CCDC60: variants seen among roughly 807,000 people sequenced by gnomAD.
The protein encoded by CCDC60 is coiled-coil domain-containing protein 60.
In CCDC60, 54 loss-of-function variants were observed where a neutral mutation model predicts 63.5. The observed-to-expected ratio is 0.85, with a 90% CI of 0.68 to 1.07. The LOEUF is 1.07. Ranked by LOEUF, CCDC60 falls within the 50% of genes least tolerant of loss-of-function variation. The pLI is 0.00. For missense variants in CCDC60, 651 were observed against 684.3 expected, an observed-to-expected ratio of 0.95 and a Z score of 0.54; for synonymous variants, 206 against 238.8, an observed-to-expected ratio of 0.86 and a Z score of 1.27.
At chr12:119,509,009 G>A (rs1358415194) in intron 7 of CCDC60, among the ~76,000 whole-genome samples, 1 of 152,014 alleles carries the variant, frequency 6.6e-6, no homozygotes, top group Non-Finnish European at 1.5e-5. Context: ...GCAATGAGGG[G>A]AGGGGTAAAT....
At chr12:119,406,491 G>C (rs1956494078) in intron 1 of CCDC60, among the ~76,000 whole-genome samples, 2 of 152,034 alleles carry the variant, frequency 1.3e-5, no homozygotes, top group African/African-American at 4.8e-5. Flanking sequence ...GCCACTCTTT[G>C]TTTGGCATTG....
At chr12:119,529,959 C>T (rs911982272) in intron 12 of CCDC60, among the ~76,000 whole-genome samples, 6 of 152,086 alleles carry the variant, frequency 3.9e-5, no homozygotes, top group Non-Finnish European at 7.4e-5. Context: ...CAAACCACAG[C>T]GTCGTAAGGA....
intron 1 of CCDC60, among the ~76,000 whole-genome samples, chr12:119,350,015 A>G (rs1011018722): frequency 2.6e-5 from 4 of 152,088 alleles, no homozygotes; most frequent in African/African-American, 9.7e-5. Context: ...AAGCATTGAC[A>G]TAAGATACTA....
At chr12:119,406,192 GAT>G (rs144346171) in intron 1 of CCDC60, among the ~76,000 whole-genome samples, 29,052 of 143,050 alleles carry the variant, frequency 0.2, 2,963 homozygotes, top group Non-Finnish European at 0.22. Context: ...TATATATATA[GAT>G]ATATATATAT....
At chr12:119,524,119 A>G (rs930749011) in intron 11 of CCDC60, among the ~76,000 whole-genome samples, 1 of 152,168 alleles carries the variant, frequency 6.6e-6, no homozygotes, top group African/African-American at 2.4e-5. Flanking sequence ...TGAGGAGGTG[A>G]CTTTTAGATG....
chr12:119,437,688 A>G (rs1950353450), intron 2 of CCDC60, among the ~76,000 whole-genome samples: 1 of 152,194 alleles, frequency 6.6e-6, no homozygotes, highest in Admixed American at 6.5e-5. Flanking sequence ...CAGGATGCGC[A>G]CATCCATAGC....
intron 12 of CCDC60, among the ~76,000 whole-genome samples, chr12:119,529,122 C>T (rs1174231577): frequency 6.6e-5 from 10 of 152,082 alleles, no homozygotes; most frequent in African/African-American, 1.4e-4. Context: ...CCCCAAGTAA[C>T]GTAATCCCTA....
chr12:119,466,671 C>T (rs907568958), intron 2 of CCDC60, among the ~76,000 whole-genome samples: 8 of 152,314 alleles, frequency 5.3e-5, no homozygotes, highest in African/African-American at 9.6e-5. Flanking sequence ...CACTACCTCA[C>T]CCCCTAACCA....
At chr12:119,343,455 T>G (rs954022969) in intron 1 of CCDC60, among the ~76,000 whole-genome samples, 18 of 152,150 alleles carry the variant, frequency 1.2e-4, no homozygotes, top group African/African-American at 4.1e-4. Flanking sequence ...AGAGAGAGAC[T>G]ATCCCTCATT....
At chr12:119,487,090 G>A (rs1267423017) in intron 4 of CCDC60, among the ~76,000 whole-genome samples, 1 of 152,040 alleles carries the variant, frequency 6.6e-6, no homozygotes, top group Non-Finnish European at 1.5e-5. Flanking sequence ...CCTCGCTCTT[G>A]GGGTGACCAC....
chr12:119,374,037 T>C (rs11064763), intron 1 of CCDC60, among the ~76,000 whole-genome samples: 25,982 of 151,832 alleles, frequency 0.17, 2,559 homozygotes, highest in South Asian at 0.35. Context: ...GCCCAGGGGC[T>C]GAGTAGTAGG....
rs1386920868 is a variant in CCDC60, at chr12:119,519,425, GTGTGTGT to G, written c.969-695_969-689del. 7.9e-5 allele frequency among the ~76,000 whole-genome samples: 11 copies of G among 139,324 alleles called. 1 individual carries two copies. Among genetic ancestry groups the G allele is most frequent in the Admixed American group, 2.2e-4 (3 of 13,500 alleles). The allele number at this position is 139,324 out of a possible 152,430, so 91.4% of individuals were successfully genotyped here. On this transcript the variant is annotated intron_variant, in intron 8 of 13. Coordinates refer to ENST00000327554, the MANE Select transcript of CCDC60 (RefSeq NM_178499.5). ...TATGTGTGTGTGTGTGTGTGTGTGTGTGTGTGTGTGCGCGTGTGTGTGTGTGTATATA... is the reference window on the plus strand; with the variant it reads ...TATGTGTGTGTGTGTGTGTGTGTGTGGTGCGCGTGTGTGTGTGTGTATATA...
chr12:119,344,775 T>C (rs912019378), intron 1 of CCDC60, among the ~76,000 whole-genome samples: 2 of 151,966 alleles, frequency 1.3e-5, no homozygotes, highest in Non-Finnish European at 2.9e-5. Context: ...CACACTAGTT[T>C]TGGAATTTCT....
At chr12:119,465,357 A>T (rs1394564996) in intron 2 of CCDC60, among the ~76,000 whole-genome samples, 1 of 152,052 alleles carries the variant, frequency 6.6e-6, no homozygotes, top group African/African-American at 2.4e-5. Context: ...CCCACCTATG[A>T]CCTATAAGCC....
intron 1 of CCDC60, among the ~76,000 whole-genome samples, chr12:119,394,909 T>C (rs1483545334): frequency 3.3e-5 from 5 of 152,210 alleles, no homozygotes; most frequent in Non-Finnish European, 7.4e-5. Context: ...CAATATGCTC[T>C]GGAAACACAG....
At chr12:119,445,508 T>C (rs1243201661) in intron 2 of CCDC60, among the ~76,000 whole-genome samples, 3 of 73,764 alleles carry the variant, frequency 4.1e-5, no homozygotes, top group Non-Finnish European at 8.3e-5. Flanking sequence ...AAAAAAAAAA[T>C]GCAGGACAAC....
At chr12:119,472,209 C>T (rs763889437) in intron 3 of CCDC60, 45 bp downstream of exon 3, 3 of 1,576,742 alleles carry the variant, frequency 1.9e-6, no homozygotes, top group Admixed American at 1.7e-5. Context: ...TTGGGAATGA[C>T]CATTGAGAGT....
At position 119,507,601 on chromosome 12, in the gene CCDC60, TATA is replaced by T. The variant is rs1566050684; in HGVS notation, c.883+2299_883+2301del. Among the ~76,000 whole-genome samples the T allele has an allele frequency of 5.0e-4, 14 of 27,946 alleles. 1 individual carries two copies. Among genetic ancestry groups the T allele is most frequent in the African/African-American group, 2.4e-3 (9 of 3,804 alleles). 18.3% of individuals were successfully genotyped at this position (27,946 alleles called of 152,430 possible). On this transcript the variant is annotated intron_variant, in intron 7 of 13. Transcript: ENST00000327554. ...ATACACATATATATACATATATATA[TATA>T]TATATATATATTTTTTTTTTTTTTT...
intron 1 of CCDC60, among the ~76,000 whole-genome samples, chr12:119,416,309 GC>G (rs1263406597): frequency 6.6e-6 from 1 of 151,184 alleles, no homozygotes; most frequent in Non-Finnish European, 1.5e-5. Context: ...AACCCAGGAG[GC>G]AGAGGTTACA....
Sources: allele counts gnomAD v4.1 joint callset (sites outside exome capture counted in the v4.1 genomes callset), GRCh38; gene constraint gnomAD v4.1.1; transcripts MANE v1.5; gene names NCBI Gene and HGNC (gene_info 2026-07-23, HGNC 2026-07-21).